Variants in RBFOX1 observed in about 807,000 individuals in gnomAD.
RBFOX1 encodes the protein RNA binding protein fox-1 homolog 1.
Under a neutral mutation model 57.7 loss-of-function variants are expected in RBFOX1, and 8 were observed. The ratio of observed to expected loss-of-function variants is 0.14; its 90% CI spans 0.08 to 0.25. RBFOX1 has a LOEUF of 0.25. RBFOX1 is among the 10% of genes least tolerant of loss of function. The pLI is 1.00. For missense variants in RBFOX1, 611 were observed against 548.5 expected (o/e 1.11, Z -1.14); for synonymous variants, 326 against 222.4 (o/e 1.47, Z -4.15).
intron 2 of RBFOX1, among the ~76,000 whole-genome samples, chr16:6,387,124 A>T (rs1189755506): frequency 6.6e-6 from 1 of 152,218 alleles, no homozygotes; most frequent in African/African-American, 2.4e-5. Context: ...ATGAACTTCA[A>T]ATCCATGCCT....
At chr16:6,174,754 C>CTTCA (rs999148964) in intron 1 of RBFOX1, among the ~76,000 whole-genome samples, 102 of 152,266 alleles carry the variant, frequency 6.7e-4, no homozygotes, top group African/African-American at 2.4e-3. Context: ...GGATGGTGAA[C>CTTCA]TTCAGTGCAT....
chr16:5,414,571 G>C (rs761908350), intron 1 of RBFOX1, among the ~76,000 whole-genome samples: 12 of 152,094 alleles, frequency 7.9e-5, no homozygotes, highest in Non-Finnish European at 1.6e-4. Context: ...TGCTTCATAG[G>C]CATCGTGGGT....
chr16:6,223,890 G>T (rs1218816788), intron 1 of RBFOX1, among the ~76,000 whole-genome samples: 1 of 152,174 alleles, frequency 6.6e-6, no homozygotes. Flanking sequence ...GAGGTGTAAG[G>T]AAGGGATCCA....
At chr16:7,281,391 G>C (rs1208323519) in intron 4 of RBFOX1, among the ~76,000 whole-genome samples, 1 of 151,844 alleles carries the variant, frequency 6.6e-6, no homozygotes, top group Non-Finnish European at 1.5e-5. Flanking sequence ...TATTGTATGA[G>C]AGCCAGGTGA....
At chr16:7,696,827 T>G (rs2078950882) in intron 14 of RBFOX1, among the ~76,000 whole-genome samples, 1 of 152,224 alleles carries the variant, frequency 6.6e-6, no homozygotes, top group South Asian at 2.1e-4. Flanking sequence ...GGGGGTAACA[T>G]TTGAGCAGGG....
At chr16:5,477,294 A>T (rs2069361586) in intron 2 of RBFOX1, among the ~76,000 whole-genome samples, 1 of 152,172 alleles carries the variant, frequency 6.6e-6, no homozygotes, top group African/African-American at 2.4e-5. Flanking sequence ...TTTCAGGGGA[A>T]CTGAAAAGTT....
intron 1 of RBFOX1, among the ~76,000 whole-genome samples, chr16:5,356,663 T>C (rs2065397894): frequency 1.3e-5 from 2 of 152,198 alleles, no homozygotes; most frequent in South Asian, 4.1e-4. Flanking sequence ...TGGAAATTAA[T>C]AGTATCAGTC....
At chr16:6,749,612 C>T (rs1408378726) in intron 3 of RBFOX1, among the ~76,000 whole-genome samples, 1 of 152,124 alleles carries the variant, frequency 6.6e-6, no homozygotes. Context: ...CGTTTATTGA[C>T]CTCATATACA....
chr16:6,723,501 A>G (rs956658422), intron 3 of RBFOX1, among the ~76,000 whole-genome samples: 10 of 152,342 alleles, frequency 6.6e-5, no homozygotes, highest in East Asian at 1.9e-4. Flanking sequence ...AAATAATACA[A>G]TTATAGATTG....
At chr16:6,977,037 A>G (rs1051785651) in intron 3 of RBFOX1, among the ~76,000 whole-genome samples, 6 of 144,026 alleles carry the variant, frequency 4.2e-5, no homozygotes, top group Non-Finnish European at 6.0e-5. Flanking sequence ...CATATATATC[A>G]TATATATCAT....
chr16:7,232,072 C>G (rs961747298), intron 4 of RBFOX1, among the ~76,000 whole-genome samples: 6 of 152,034 alleles, frequency 3.9e-5, no homozygotes, highest in African/African-American at 1.2e-4. Context: ...GTCACCCAGG[C>G]TAGATTGCAG....
chr16:7,400,230 C>T (rs535967891), intron 4 of RBFOX1, among the ~76,000 whole-genome samples: 1 of 152,144 alleles, frequency 6.6e-6, no homozygotes, highest in Non-Finnish European at 1.5e-5. Flanking sequence ...TAAAATTGCA[C>T]CTTCCCCAAA....
At chr16:5,255,354 C>CTCCATCCATCCATCCA (rs750177791) in intron 1 of RBFOX1, among the ~76,000 whole-genome samples, 1,145 of 86,296 alleles carry the variant, frequency 0.013, 18 homozygotes, top group African/African-American at 0.037. Context: ...CCATCCATCC[C>CTCCATCCATCCATCCA]TCCATCCATC....
intron 14 of RBFOX1, 35 bp from the exon 15 acceptor site, chr16:7,709,021 C>CAAAACAA: frequency 1.3e-6 from 2 of 1,559,950 alleles, no homozygotes; most frequent in African/African-American, 2.7e-5. Context: ...TAATTGCATA[C>CAAAACAA]TGTGGATCAA....
At chr16:6,576,429 G>A (rs9926138) in intron 2 of RBFOX1, among the ~76,000 whole-genome samples, 61,090 of 152,002 alleles carry the variant, frequency 0.4, 13,798 homozygotes, top group East Asian at 0.66. Context: ...TTGGGAATCA[G>A]ATTTTTTTCT....
At chr16:6,393,718 C>A (rs746167015) in intron 2 of RBFOX1, among the ~76,000 whole-genome samples, 2 of 152,202 alleles carry the variant, frequency 1.3e-5, no homozygotes, top group Non-Finnish European at 2.9e-5. Flanking sequence ...ACACACAACA[C>A]TTTTCTTTAA....
chr16:7,394,947 G>C (rs1199479546), intron 4 of RBFOX1, among the ~76,000 whole-genome samples: 2 of 152,188 alleles, frequency 1.3e-5, no homozygotes, highest in Non-Finnish European at 2.9e-5. Context: ...ACGCATGTGA[G>C]AATATATACC....
intron 3 of RBFOX1, chr16:5,838,030 G>A (rs1465532372): frequency 6.6e-6 from 1 of 152,312 alleles, no homozygotes; most frequent in African/African-American, 2.4e-5. Context: ...ATGTGACATT[G>A]CTGCATAATT....
intron 3 of RBFOX1, among the ~76,000 whole-genome samples, chr16:5,607,101 G>A (rs1379702138): frequency 6.6e-6 from 1 of 152,180 alleles, no homozygotes; most frequent in Non-Finnish European, 1.5e-5. Flanking sequence ...TCTCCTCACT[G>A]GAGTGGGCTG....
Sources: gnomAD v4.1 joint callset for allele counts (sites outside exome capture counted in the v4.1 genomes callset) on GRCh38, gnomAD v4.1.1 for gene constraint, MANE v1.5 for transcripts, NCBI Gene and HGNC (gene_info 2026-07-23, HGNC 2026-07-21) for gene names.